STKLD1: variants seen among roughly 807,000 people sequenced by gnomAD.
The protein encoded by STKLD1 is serine/threonine kinase-like domain-containing protein STKLD1.
A neutral mutation model predicts 80.4 loss-of-function variants in STKLD1; 79 were observed. The ratio of observed to expected loss-of-function variants is 0.98; its 90% CI spans 0.82 to 1.19. The LOEUF (loss-of-function observed/expected upper bound fraction) is 1.19, where lower values mean the gene tolerates loss of function less well. Among genes scored for constraint, STKLD1 ranks in the 50% most tolerant of loss-of-function variants. The pLI is 0.00. For missense variants in STKLD1, 841 were observed against 856.0 expected (o/e 0.98, Z 0.22); for synonymous variants, 393 against 357.6 (o/e 1.10, Z -1.12).
chr9:133,398,504 C>G (rs996773027), intron 11 of STKLD1, among the ~76,000 whole-genome samples: 1 of 152,182 alleles, frequency 6.6e-6, no homozygotes, highest in Non-Finnish European at 1.5e-5. Flanking sequence ...CATGGCCTGG[C>G]GCAGTAGCTC....
rs1379835247 is a variant in STKLD1 at position 133,385,673 on chromosome 9, C to A, written c.276C>A (p.Phe92Leu). The stretch of plus-strand genomic sequence containing the variant: ...ACATCTCTGTGTACCAGGAGCTGTT[C>A]ATCACGTGGAATGGGGAGGTGGGTC... ...HAHISVYQEL[F>L]ITWNGEISSL... is the part of the protein sequence containing the mutation. The change falls in exon 4 of 18, where the codon TTC (phenylalanine) becomes TTA (leucine). Residue 92 changes from phenylalanine to leucine, a missense_variant. Phe to Leu is a conservative substitution (Grantham distance 22). Coordinates refer to ENST00000371957, the MANE Select transcript of STKLD1 (RefSeq NM_153710.5). This position sits in a 1 kb window ranked among gnomAD's most constrained non-coding sequence, Gnocchi z 4.9. 1.2e-6 allele frequency: 2 copies of A among 1,613,152 alleles called. No individual in the cohort carries two copies. Among genetic ancestry groups the A allele is most frequent in the Middle Eastern group, 1.6e-4 (1 of 6,062 alleles).
chr9:133,400,352 G>A (rs587637527), intron 11 of STKLD1, 61 bp from the exon 12 acceptor site: 257 of 1,273,480 alleles, frequency 2.0e-4, no homozygotes, highest in Admixed American at 4.2e-4. Context: ...GGCCCTGGTC[G>A]GGTCTATATG....
At chr9:133,392,938 GGATA>G (rs1325074490) in intron 7 of STKLD1, among the ~76,000 whole-genome samples, 1 of 146,632 alleles carries the variant, frequency 6.8e-6, no homozygotes, top group African/African-American at 2.5e-5. Flanking sequence ...ATGGATGGAT[GGATA>G]GATGGGTGGA....
chr9:133,380,362 T>C (rs2130263368), intron 2 of STKLD1, among the ~76,000 whole-genome samples: 8 of 151,544 alleles, frequency 5.3e-5, no homozygotes, highest in Non-Finnish European at 1.0e-4. Context: ...CTTTTAAAAA[T>C]GTCAGCCATG....
chr9:133,384,339 G>C lies in STKLD1; in HGVS notation c.219+439G>C, dbSNP rs1838218268. The C allele has an allele frequency of 6.0e-6, 1 of 166,082 alleles. No individual in the cohort carries two copies. The highest frequency in any genetic ancestry group is 5.7e-5 in the Admixed American group (1 of 17,572). The allele number at this position is 166,082 out of a possible 1,614,324, so 10.3% of individuals were successfully genotyped here. A position where few individuals can be genotyped will look rare whatever the true frequency, so the allele number is the denominator to read the frequency against. On this transcript the variant is annotated intron_variant, in intron 3 of 17. Coordinates refer to ENST00000371957, the MANE Select transcript of STKLD1 (RefSeq NM_153710.5). The surrounding 1 kb of genome is among the most constrained non-coding windows in gnomAD (Gnocchi z 4.3). ...ACCTGTAATCCCAGCTACTTCGAGA[G>C]GTTGAGGCGGGAGAATCACTTGAAC...
intron 2 of STKLD1, among the ~76,000 whole-genome samples, chr9:133,383,484 A>ATGATGG (rs1838198394): frequency 1.5e-5 from 1 of 66,040 alleles, no homozygotes; most frequent in African/African-American, 4.6e-5. Flanking sequence ...TGGTGGTGTG[A>ATGATGG]TGGTGATGAT....
chr9:133,399,707 T>C (rs1036481688), intron 11 of STKLD1, among the ~76,000 whole-genome samples: 9 of 152,264 alleles, frequency 5.9e-5, no homozygotes, highest in African/African-American at 2.2e-4. Flanking sequence ...GGTGAAACCC[T>C]GTCTCTACTA....
Position 133,381,194 on chromosome 9 carries a change from A to C in STKLD1, c.174+2072A>C, listed in dbSNP as rs1469436094. ...GCTCTTGTTGCCCAGGCTGGAGTAC[A>C]GTGGTGTGATCTCAGCTCACTGTAA... On this transcript the variant is annotated intron_variant, in intron 2 of 17. Transcript: ENST00000371957. 3.7e-5 allele frequency among the ~76,000 whole-genome samples: 5 copies of C among 134,292 alleles called. No homozygotes were observed. The East Asian group carries it at 8.4e-4, about 23-fold the overall frequency. The allele number at this position is 134,292 out of a possible 152,430, so 88.1% of individuals were successfully genotyped here.
rs2130263353 is a variant in STKLD1 at position 133,380,361 on chromosome 9, A to G, written c.174+1239A>G. On this transcript the variant is annotated intron_variant, in intron 2 of 17. Transcript: ENST00000371957. ...CGTCCGGCCTGAGGAGCTTTTAAAAATGTCAGCCATGACTAGGCATGGTGG... is the reference window on the plus strand; with the variant it reads ...CGTCCGGCCTGAGGAGCTTTTAAAAGTGTCAGCCATGACTAGGCATGGTGG... Among the ~76,000 whole-genome samples the G allele has an allele frequency of 1.5e-4, 23 of 151,836 alleles. 2 individuals are homozygous for G. The South Asian group carries it at 4.8e-3, about 32-fold the overall frequency.
intron 16 of STKLD1, among the ~76,000 whole-genome samples, 196 bp from the exon 17 acceptor site, chr9:133,404,593 T>G (rs1017800620): frequency 6.6e-6 from 1 of 152,158 alleles, no homozygotes; most frequent in African/African-American, 2.4e-5. Context: ...GGGGGCTGCC[T>G]CCTCTGTTCT....
rs1838822089 is a variant in STKLD1 at position 133,405,242 on chromosome 9, C to A, written c.1874-10C>A. On this transcript the variant is annotated splice_polypyrimidine_tract_variant and intron_variant, in intron 17 of 17. Coordinates refer to ENST00000371957, the MANE Select transcript of STKLD1 (RefSeq NM_153710.5). ...ACTCTGGCCTCAGGACCTTCCTGCT[C>A]CACCTGCAGAGGAGATCCTGCCGGA... The A allele has an allele frequency of 6.3e-7, 1 of 1,590,560 alleles. No individual in the cohort carries two copies. The highest frequency in any genetic ancestry group is 1.7e-5 in the Admixed American group (1 of 57,362).
chr9:133,398,018 C>T lies in STKLD1; in HGVS notation c.1044C>T (p.Ala348=). The part of the protein sequence containing the change: ...FSGWPEVQLR[A]MKRLLKMPAD... Reference sequence around the variant, plus strand: ...GCTGGCCCGAAGTCCAGCTCAGGGCCATGAAGAGGCTTCTGAAAATGCCTG... The same window carrying T: ...GCTGGCCCGAAGTCCAGCTCAGGGCTATGAAGAGGCTTCTGAAAATGCCTG... The change falls in exon 11 of 18, where the codon GCC becomes GCT. Residue 348 remains alanine, a synonymous_variant. Transcript: ENST00000371957. 6.2e-7 allele frequency: 1 copy of T among 1,613,716 alleles called. No individual in the cohort carries two copies. Among genetic ancestry groups the T allele is most frequent in the African/African-American group, 1.3e-5 (1 of 75,058 alleles).
chr9:133,395,874 A>G, intron 9 of STKLD1, 111 bp downstream of exon 9: 1 of 1,104,132 alleles, frequency 9.1e-7, no homozygotes. Context: ...GAACTCCATC[A>G]CAGATGCCCT....
At position 133,387,070 on chromosome 9, in the gene STKLD1, G is replaced by T. The variant is rs2130278709; in HGVS notation, c.295-377G>T. ...CCTGACCTGGTCTGCTGGGGCTCTG[G>T]CCAGGGCAGGGTCCTCAGAGGAAAT... is the stretch of plus-strand genomic sequence containing the variant. On this transcript the variant is annotated intron_variant, in intron 4 of 17. Coordinates refer to ENST00000371957, the MANE Select transcript of STKLD1 (RefSeq NM_153710.5). Among the ~76,000 whole-genome samples, 71 of 152,306 alleles carry T rather than the reference G, an allele frequency of 4.7e-4. 2 individuals are homozygous for T. Among genetic ancestry groups the T allele is most frequent in the Non-Finnish European group, 9.3e-4 (63 of 68,022 alleles).
chr9:133,388,306 T>C (rs1191583459), intron 5 of STKLD1, among the ~76,000 whole-genome samples: 1 of 152,150 alleles, frequency 6.6e-6, no homozygotes, highest in Non-Finnish European at 1.5e-5. Flanking sequence ...TGGAGTGCAG[T>C]GGCACGACCT....
chr9:133,385,576 G>C lies in STKLD1; in HGVS notation c.220-41G>C. 1 of 1,596,202 alleles carries C rather than the reference G, an allele frequency of 6.3e-7. No individual in the cohort carries two copies. Among genetic ancestry groups the C allele is most frequent in the Non-Finnish European group, 8.6e-7 (1 of 1,165,270 alleles). The stretch of plus-strand genomic sequence containing the variant: ...AAGCCCGAGCTGAGAAAGGCGTGGA[G>C]AGGCACTGACTTCTCCGTTTCCTCT... On this transcript the variant is annotated intron_variant, in intron 3 of 17. Coordinates refer to ENST00000371957, the MANE Select transcript of STKLD1 (RefSeq NM_153710.5). This position sits in a 1 kb window ranked among gnomAD's most constrained non-coding sequence, Gnocchi z 4.9.
chr9:133,398,528 T>C (rs7029256), intron 11 of STKLD1, among the ~76,000 whole-genome samples: 17,925 of 152,198 alleles, frequency 0.12, 1,396 homozygotes, highest in African/African-American at 0.22. Flanking sequence ...CCTGTAATCC[T>C]AGCACCTTGA....
At position 133,383,875 on chromosome 9, in the gene STKLD1, A is replaced by G; in HGVS notation, c.194A>G (p.His65Arg). 6.2e-7 allele frequency: 1 copy of G among 1,614,026 alleles called. No individual in the cohort carries two copies. Among genetic ancestry groups the G allele is most frequent in the Non-Finnish European group, 8.5e-7 (1 of 1,179,978 alleles). ...TTGCAGGTGGAATGCATGGATGACC[A>G]TTACGCCAGTCAGGCCCTGGAGGAG... Reference protein sequence around the residue: ...VIKQVECMDDHYASQALEELM... With the variant: ...VIKQVECMDDRYASQALEELM... Residue 65 changes from histidine (H) to arginine (R), a missense_variant, in exon 3 of 18, where the codon CAT becomes CGT. By Grantham distance (29) the His-to-Arg change is conservative (BLOSUM62 0). Coordinates refer to ENST00000371957, the MANE Select transcript of STKLD1 (RefSeq NM_153710.5).
chr9:133,380,196 C>T (rs2130262883), intron 2 of STKLD1, among the ~76,000 whole-genome samples: 1 of 152,136 alleles, frequency 6.6e-6, no homozygotes, highest in Admixed American at 6.5e-5. Flanking sequence ...CTGCCACGCC[C>T]GGCTAATTTT....
Sources: allele counts gnomAD v4.1 joint callset (sites outside exome capture counted in the v4.1 genomes callset), GRCh38; gene constraint gnomAD v4.1.1; non-coding constraint Gnocchi (gnomAD v3.1); transcripts MANE v1.5; gene names NCBI Gene and HGNC (gene_info 2026-07-23, HGNC 2026-07-21).